The following GARIN5A variants were observed in gnomAD, a reference collection of about 807,000 sequenced individuals.
GARIN5A encodes Golgi-associated RAB2 interactor protein 5A.
chr19:50,471,936 G>A, the GARIN5A span, among the ~76,000 whole-genome samples: 3 of 147,712 alleles, frequency 2.0e-5, no homozygotes, highest in East Asian at 1.9e-4. Context: ...ACATGTATGT[G>A]TGTAAGTATA....
the GARIN5A span, chr19:50,476,357 TC>T: frequency 1.1e-5 from 17 of 1,573,342 alleles, no homozygotes; most frequent in Non-Finnish European, 1.5e-5. Flanking sequence ...AGGGGGCGGC[TC>T]CTGGAGATCA....
the GARIN5A span, among the ~76,000 whole-genome samples, chr19:50,471,883 T>C: frequency 6.6e-6 from 1 of 151,202 alleles, no homozygotes; most frequent in Non-Finnish European, 1.5e-5. Context: ...TGCATACATG[T>C]GTGTATATGT....
the GARIN5A span, chr19:50,476,769 G>A: frequency 1.4e-6 from 1 of 693,418 alleles, no homozygotes. Context: ...AGAGGGAAGA[G>A]GTGGGAGATC....
the GARIN5A span, among the ~76,000 whole-genome samples, chr19:50,470,899 C>A: frequency 2.0e-5 from 3 of 151,634 alleles, no homozygotes; most frequent in Non-Finnish European, 2.9e-5. Flanking sequence ...CGTGATCCAC[C>A]CGCCTCGGCC....
the GARIN5A span, chr19:50,475,800 G>T: frequency 6.7e-7 from 1 of 1,494,610 alleles, no homozygotes; most frequent in Non-Finnish European, 9.3e-7. Flanking sequence ...GGCAGGCCGA[G>T]GCTGGGGATG....
the GARIN5A span, chr19:50,467,694 G>T: frequency 6.3e-7 from 1 of 1,593,040 alleles, no homozygotes; most frequent in Admixed American, 1.8e-5. Flanking sequence ...GCACCCACTG[G>T]CCGAACTCTC....
chr19:50,472,086 GTATA>G, the GARIN5A span, among the ~76,000 whole-genome samples: 21 of 90,726 alleles, frequency 2.3e-4, no homozygotes, highest in African/African-American at 7.9e-4. Flanking sequence ...ATACATGTGT[GTATA>G]TGTATATGTA....
the GARIN5A span, chr19:50,476,436 G>T: frequency 6.4e-7 from 1 of 1,551,382 alleles, no homozygotes; most frequent in South Asian, 1.2e-5. Context: ...GTGCGCAGGT[G>T]CCGGGGCCCA....
chr19:50,471,850 G>A, the GARIN5A span, among the ~76,000 whole-genome samples: 4 of 150,030 alleles, frequency 2.7e-5, no homozygotes, highest in Admixed American at 6.6e-5. Flanking sequence ...GTGTGCATAC[G>A]CATACATACA....
the GARIN5A span, among the ~76,000 whole-genome samples, chr19:50,471,633 CAT>C: frequency 5.9e-5 from 9 of 151,502 alleles, no homozygotes; most frequent in Non-Finnish European, 1.0e-4. Flanking sequence ...TGTGTGTATA[CAT>C]GTGTGTATAT....
At chr19:50,476,141 C>A in the GARIN5A span, 2 of 1,613,548 alleles carry the variant, frequency 1.2e-6, no homozygotes, top group African/African-American at 2.7e-5. Context: ...TGCCATCCCA[C>A]CTGGTTCCAC....
At chr19:50,471,899 T>C in the GARIN5A span, among the ~76,000 whole-genome samples, 1 of 150,946 alleles carries the variant, frequency 6.6e-6, no homozygotes, top group African/African-American at 2.5e-5. Context: ...TATGTATGCA[T>C]ACATGTATGT....
the GARIN5A span, among the ~76,000 whole-genome samples, chr19:50,471,095 G>T: frequency 6.6e-6 from 1 of 152,144 alleles, no homozygotes; most frequent in East Asian, 1.9e-4. Context: ...CTCCTAAGTA[G>T]CTGGGACTAC....
chr19:50,471,770 ATACCTG>A, the GARIN5A span, among the ~76,000 whole-genome samples: 76 of 134,404 alleles, frequency 5.7e-4, 5 homozygotes, highest in African/African-American at 2.6e-3. Context: ...ATACGCATAC[ATACCTG>A]TGTGTATACG....
chr19:50,471,781 T>C, the GARIN5A span, among the ~76,000 whole-genome samples: 1 of 142,956 alleles, frequency 7.0e-6, no homozygotes, highest in East Asian at 2.0e-4. Flanking sequence ...TACCTGTGTG[T>C]ATACGCATAC....
chr19:50,471,750 A>G, the GARIN5A span, among the ~76,000 whole-genome samples: 39 of 144,306 alleles, frequency 2.7e-4, no homozygotes, highest in African/African-American at 9.1e-4. Context: ...ATACGCATAC[A>G]TGCATGTGTA....
chr19:50,467,833 G>T, the GARIN5A span: 1 of 1,612,644 alleles, frequency 6.2e-7, no homozygotes, highest in Non-Finnish European at 8.5e-7. Flanking sequence ...GAACAGCCTG[G>T]GTGGGAGGAA....
At chr19:50,475,290 G>C in the GARIN5A span, 2 of 1,547,078 alleles carry the variant, frequency 1.3e-6, no homozygotes, top group Non-Finnish European at 1.8e-6. Flanking sequence ...GGAGCTGAGG[G>C]AGGAAGGGGT....
chr19:50,475,711 T>A, the GARIN5A span: 2,756 of 753,402 alleles, frequency 3.7e-3, 53 homozygotes, highest in African/African-American at 0.042. Flanking sequence ...AGAGATCACA[T>A]AGGAGTTGGG....
Sources: allele counts gnomAD v4.1 joint callset (sites outside exome capture counted in the v4.1 genomes callset), GRCh38; gene constraint gnomAD v4.1.1; transcripts MANE v1.5; gene names NCBI Gene and HGNC (gene_info 2026-07-23, HGNC 2026-07-21).